The following BANF2 variants were observed in gnomAD, a reference collection of about 807,000 sequenced individuals.
BANF2 encodes the protein barrier-to-autointegration factor-like protein.
In BANF2, 4 loss-of-function variants were observed where a neutral mutation model predicts 8.0. The observed-to-expected ratio is 0.50, with a 90% CI of 0.25 to 1.14. BANF2 has a LOEUF of 1.14. Among genes scored for constraint, BANF2 ranks in the 50% most tolerant of loss-of-function variants. The pLI is 0.16. For synonymous variants in BANF2, 50 were observed against 40.6 expected, an observed-to-expected ratio of 1.23 and a Z score of -0.88; for missense variants, 96 against 107.5, an observed-to-expected ratio of 0.89 and a Z score of 0.47.
intron 3 of BANF2, among the ~76,000 whole-genome samples, chr20:17,725,757 G>C (rs1026668450): frequency 1.1e-4 from 16 of 152,242 alleles, no homozygotes; most frequent in Non-Finnish European, 2.1e-4. Flanking sequence ...CGCAAAGAGA[G>C]TGAGCACAGA....
chr20:17,713,402 A>T (rs2037605151), intron 1 of BANF2, among the ~76,000 whole-genome samples: 2 of 152,166 alleles, frequency 1.3e-5, no homozygotes, highest in South Asian at 4.1e-4. Flanking sequence ...CTTCATAAAG[A>T]CAGAAAGTGG....
chr20:17,732,850 C>T (rs2037919495), intron 3 of BANF2, among the ~76,000 whole-genome samples: 1 of 152,186 alleles, frequency 6.6e-6, no homozygotes, highest in Non-Finnish European at 1.5e-5. Flanking sequence ...ATCTTTTCTC[C>T]TTGATTAGGG....
chr20:17,707,083 C>A (rs1490934643), intron 1 of BANF2, among the ~76,000 whole-genome samples: 3 of 152,096 alleles, frequency 2.0e-5, no homozygotes, highest in African/African-American at 7.2e-5. Context: ...ACCAGGGATG[C>A]TTTAAAGATG....
At chr20:17,724,648 G>A (rs1389842487) in intron 2 of BANF2, among the ~76,000 whole-genome samples, 1 of 152,208 alleles carries the variant, frequency 6.6e-6, no homozygotes, top group Non-Finnish European at 1.5e-5. Context: ...AGTGTTGGGT[G>A]GTTAAGAGAG....
At chr20:17,716,755 C>A (rs2037658777) in intron 1 of BANF2, among the ~76,000 whole-genome samples, 1 of 140,474 alleles carries the variant, frequency 7.1e-6, no homozygotes, top group African/African-American at 2.6e-5. Flanking sequence ...ACGGGAGAAT[C>A]TCTTGAGCCC....
intron 3 of BANF2, among the ~76,000 whole-genome samples, chr20:17,730,270 T>C (rs4814641): frequency 0.44 from 66,450 of 152,094 alleles, 16,269 homozygotes; most frequent in Middle Eastern, 0.65. Flanking sequence ...CACATGTGGA[T>C]TGCTCAAGAT....
chr20:17,696,952 G>GTGA (rs2037351072), upstream of BANF2, among the ~76,000 whole-genome samples: 2 of 152,014 alleles, frequency 1.3e-5, no homozygotes, highest in African/African-American at 4.8e-5. Flanking sequence ...AGATCTGATG[G>GTGA]TGATGATGAT....
At chr20:17,734,802 G>T (rs781154039) in intron 3 of BANF2, among the ~76,000 whole-genome samples, 1 of 152,150 alleles carries the variant, frequency 6.6e-6, no homozygotes, top group Non-Finnish European at 1.5e-5. Context: ...TAGAAACCCC[G>T]TGCTATGGGC....
intron 1 of BANF2, among the ~76,000 whole-genome samples, chr20:17,701,789 T>C (rs767975980): frequency 6.6e-6 from 1 of 152,034 alleles, no homozygotes; most frequent in Non-Finnish European, 1.5e-5. Context: ...CCCAGGCTGG[T>C]TGAGGGAGTT....
At chr20:17,719,060 G>A (rs1398613441) in intron 1 of BANF2, among the ~76,000 whole-genome samples, 13 of 152,194 alleles carry the variant, frequency 8.5e-5, no homozygotes, top group South Asian at 2.1e-4. Context: ...GAAGAGGGGC[G>A]CTCCCCTGAA....
intron 1 of BANF2, among the ~76,000 whole-genome samples, chr20:17,702,615 G>A (rs910222214): frequency 3.3e-5 from 5 of 152,202 alleles, no homozygotes; most frequent in African/African-American, 1.2e-4. Context: ...GCAACTGTTT[G>A]TGGACTTGGC....
chr20:17,705,609 A>G (rs1343347979), intron 1 of BANF2, among the ~76,000 whole-genome samples: 1 of 152,230 alleles, frequency 6.6e-6, no homozygotes, highest in East Asian at 1.9e-4. Flanking sequence ...TCAAAGCCGT[A>G]AATAGGCTGG....
intron 1 of BANF2, among the ~76,000 whole-genome samples, chr20:17,720,079 G>A (rs895056213): frequency 6.6e-6 from 1 of 152,208 alleles, no homozygotes; most frequent in African/African-American, 2.4e-5. Flanking sequence ...TGGGATCCAA[G>A]CATCAGTAAT....
upstream of BANF2, among the ~76,000 whole-genome samples, chr20:17,696,509 G>T (rs898697266): frequency 6.6e-6 from 1 of 152,090 alleles, no homozygotes; most frequent in Non-Finnish European, 1.5e-5. Flanking sequence ...TAGCCATTCT[G>T]GTGGGCATGT....
chr20:17,706,883 T>C (rs2122580219), intron 1 of BANF2, among the ~76,000 whole-genome samples: 1 of 152,300 alleles, frequency 6.6e-6, no homozygotes. Context: ...CCAAAGTCCA[T>C]GCAGGCAAGT....
intron 1 of BANF2, among the ~76,000 whole-genome samples, chr20:17,710,146 G>A (rs1255642912): frequency 1.3e-5 from 2 of 152,216 alleles, no homozygotes; most frequent in Non-Finnish European, 2.9e-5. Flanking sequence ...TCACATCCTG[G>A]CCGAGGGCTG....
chr20:17,718,202 G>GTTTGTT (rs10678979), intron 1 of BANF2, among the ~76,000 whole-genome samples: 20,588 of 151,876 alleles, frequency 0.14, 1,468 homozygotes, highest in Middle Eastern at 0.29. Context: ...GTGTTCGTTT[G>GTTTGTT]TTTGTTTTTG....
At chr20:17,715,590 T>C (rs544960744) in intron 1 of BANF2, among the ~76,000 whole-genome samples, 1 of 152,326 alleles carries the variant, frequency 6.6e-6, no homozygotes, top group East Asian at 1.9e-4. Flanking sequence ...CGAGCATTAG[T>C]GGTCATTAGA....
rs1316704229 is a variant in BANF2 at position 17,724,147 on chromosome 20, T to C, written c.-3-876T>C. 3.9e-5 allele frequency among the ~76,000 whole-genome samples: 6 copies of C among 152,208 alleles called. 1 individual carries two copies. Among genetic ancestry groups the C allele is most frequent in the Admixed American group, 3.9e-4 (6 of 15,284 alleles). ...AGGATGTTAGCTACCTCTGGCAGTC[T>C]TCATTAAGGTCCTAGGAGACTCAAC... On this transcript the variant is annotated intron_variant, in intron 2 of 3. Coordinates refer to ENST00000246090, the MANE Select transcript of BANF2 (RefSeq NM_178477.5).
Sources: gnomAD v4.1 joint callset for allele counts (sites outside exome capture counted in the v4.1 genomes callset) on GRCh38, gnomAD v4.1.1 for gene constraint, MANE v1.5 for transcripts, NCBI Gene and HGNC (gene_info 2026-07-23, HGNC 2026-07-21) for gene names.